CSMD1: variants seen among roughly 807,000 people sequenced by gnomAD.
The protein encoded by CSMD1 is CUB and Sushi multiple domains 1, also known as CUB and sushi domain-containing protein 1.
A neutral mutation model predicts 417.5 loss-of-function variants in CSMD1; 213 were observed. The observed-to-expected ratio is 0.51, with a 90% confidence interval of 0.46 to 0.57. The LOEUF (loss-of-function observed/expected upper bound fraction) is 0.57, where lower values mean the gene tolerates loss of function less well. CSMD1 is among the 20% of genes least tolerant of loss of function. The probability of loss-of-function intolerance (pLI) is 0.00; values close to 1 mark genes in which losing one functional copy is unlikely to be tolerated. For synonymous variants in CSMD1, 2,862 were observed against 1,736.8 expected (o/e 1.65, Z -16.11); for missense variants, 6,923 against 4,529.7 (o/e 1.53, Z -15.17).
chr8:3,666,721 C>T (rs1013885864), intron 7 of CSMD1, among the ~76,000 whole-genome samples: 8 of 152,090 alleles, frequency 5.3e-5, no homozygotes, highest in Non-Finnish European at 7.4e-5. Context: ...AAGGGGAAAC[C>T]CCTTTGGCTT....
intron 3 of CSMD1, among the ~76,000 whole-genome samples, chr8:4,238,091 A>G (rs1035278699): frequency 1.3e-5 from 2 of 152,166 alleles, no homozygotes; most frequent in African/African-American, 4.8e-5. Context: ...ACGTTTTAAG[A>G]TTGAGACACA....
At chr8:3,990,852 C>G (rs978480120) in intron 5 of CSMD1, among the ~76,000 whole-genome samples, 1 of 152,126 alleles carries the variant, frequency 6.6e-6, no homozygotes, top group South Asian at 2.1e-4. Flanking sequence ...GAGAGTGCAG[C>G]TGCCCCTTCA....
intron 3 of CSMD1, among the ~76,000 whole-genome samples, chr8:4,402,497 C>G (rs1452273275): frequency 3.3e-5 from 5 of 152,142 alleles, no homozygotes; most frequent in African/African-American, 1.2e-4. Flanking sequence ...CCACTCCTCT[C>G]CCAAGCATCC....
At chr8:3,953,729 C>G (rs984330490) in intron 5 of CSMD1, among the ~76,000 whole-genome samples, 4 of 152,046 alleles carry the variant, frequency 2.6e-5, no homozygotes, top group African/African-American at 7.2e-5. Context: ...GGAGAAGCTT[C>G]CCCCACAGAG....
intron 3 of CSMD1, among the ~76,000 whole-genome samples, chr8:4,187,117 C>G (rs549010788): frequency 6.6e-6 from 1 of 151,172 alleles, no homozygotes; most frequent in Non-Finnish European, 1.5e-5. Flanking sequence ...AGAATTTCAC[C>G]AAGTCTCCAC....
chr8:4,084,748 C>A (rs979719887), intron 3 of CSMD1, among the ~76,000 whole-genome samples: 2 of 151,760 alleles, frequency 1.3e-5, no homozygotes, highest in Middle Eastern at 3.4e-3. Flanking sequence ...CACCCCCACC[C>A]CCCTACCCAA....
intron 5 of CSMD1, among the ~76,000 whole-genome samples, chr8:3,860,783 A>C (rs1227342660): frequency 6.6e-6 from 1 of 152,152 alleles, no homozygotes; most frequent in African/African-American, 2.4e-5. Context: ...GAGCTGTTTT[A>C]CTCTGCAACA....
chr8:4,483,076 T>C (rs1390469551), intron 2 of CSMD1, among the ~76,000 whole-genome samples: 1 of 152,182 alleles, frequency 6.6e-6, no homozygotes, highest in Admixed American at 6.5e-5. Context: ...CCATGTGTTG[T>C]GGGAGATAAT....
At chr8:4,636,533 T>C (rs943955422) in intron 2 of CSMD1, among the ~76,000 whole-genome samples, 5 of 152,210 alleles carry the variant, frequency 3.3e-5, no homozygotes, top group Admixed American at 2.6e-4. Flanking sequence ...CATTTTGTTC[T>C]GATTAGCTGA....
intron 1 of CSMD1, among the ~76,000 whole-genome samples, chr8:4,935,041 T>C (rs781754751): frequency 6.6e-6 from 1 of 152,242 alleles, no homozygotes; most frequent in Non-Finnish European, 1.5e-5. Flanking sequence ...GATTTCTATA[T>C]ACACACTTAT....
At chr8:3,725,996 CG>C (rs1802474096) in intron 6 of CSMD1, among the ~76,000 whole-genome samples, 1 of 152,084 alleles carries the variant, frequency 6.6e-6, no homozygotes, top group Admixed American at 6.5e-5. Context: ...CTACGGAGAC[CG>C]GGTCACTGCA....
chr8:3,591,675 A>G (rs1800851845), intron 8 of CSMD1, among the ~76,000 whole-genome samples: 1 of 152,176 alleles, frequency 6.6e-6, no homozygotes, highest in Non-Finnish European at 1.5e-5. Context: ...TGCAACCAAT[A>G]GATAGATGAG....
intron 3 of CSMD1, among the ~76,000 whole-genome samples, chr8:4,230,675 A>T (rs114379793): frequency 0.011 from 1,677 of 152,262 alleles, 22 homozygotes; most frequent in African/African-American, 0.038. Context: ...AAATATTATA[A>T]ATTTTTACTG....
intron 31 of CSMD1, among the ~76,000 whole-genome samples, chr8:3,203,450 C>T (rs765358555): frequency 2.6e-5 from 4 of 152,116 alleles, no homozygotes; most frequent in Non-Finnish European, 4.4e-5. Context: ...GGGCTTCAGC[C>T]GCGGGAACTG....
chr8:4,945,689 AT>A (rs1808318073), intron 1 of CSMD1, among the ~76,000 whole-genome samples: 1 of 152,152 alleles, frequency 6.6e-6, no homozygotes, highest in Admixed American at 6.6e-5. Flanking sequence ...AGAACTTGGC[AT>A]TAACAAAGAC....
At chr8:3,995,256 T>C (rs552722952) in intron 5 of CSMD1, among the ~76,000 whole-genome samples, 4 of 152,338 alleles carry the variant, frequency 2.6e-5, no homozygotes, top group Non-Finnish European at 4.4e-5. Flanking sequence ...AACCATCTTT[T>C]GCTTTTCAGC....
At chr8:3,469,381 G>C (rs1585210451) in intron 11 of CSMD1, among the ~76,000 whole-genome samples, 2 of 152,078 alleles carry the variant, frequency 1.3e-5, no homozygotes, top group African/African-American at 4.8e-5. Flanking sequence ...ATTTTGAAAA[G>C]AACAACATGC....
chr8:3,720,620 T>TTCTCTCACACACACACACACAC (rs72331833), intron 6 of CSMD1, among the ~76,000 whole-genome samples: 1 of 143,322 alleles, frequency 7.0e-6, no homozygotes, highest in Non-Finnish European at 1.5e-5. Flanking sequence ...TCTTTATTCT[T>TTCTCTCACACACACACACACAC]ACACACACAC....
chr8:3,733,350 T>A (rs1020920172), intron 6 of CSMD1, among the ~76,000 whole-genome samples: 42 of 147,466 alleles, frequency 2.8e-4, no homozygotes, highest in African/African-American at 1.0e-3. Context: ...ACATATATAT[T>A]ATATATATAA....
Sources: gnomAD v4.1 joint callset for allele counts (sites outside exome capture counted in the v4.1 genomes callset) on GRCh38, gnomAD v4.1.1 for gene constraint, MANE v1.5 for transcripts, NCBI Gene and HGNC (gene_info 2026-07-23, HGNC 2026-07-21) for gene names.